FUT9: variants seen among roughly 807,000 people sequenced by gnomAD.
FUT9 encodes fucosyltransferase 9, also known as 4-galactosyl-N-acetylglucosaminide 3-alpha-L-fucosyltransferase 9.
FUT9 carries 15 observed loss-of-function variants against 29.7 expected under a neutral mutation model. The ratio of observed to expected loss-of-function variants is 0.51; its 90% CI spans 0.34 to 0.78. The LOEUF is 0.78. Ranked by LOEUF, FUT9 falls within the 30% of genes least tolerant of loss-of-function variation. The probability of loss-of-function intolerance (pLI) is 0.01; values close to 1 mark genes in which losing one functional copy is unlikely to be tolerated. For missense variants in FUT9, 319 were observed against 425.4 expected, an observed-to-expected ratio of 0.75 and a Z score of 2.20; for synonymous variants, 169 against 153.7, an observed-to-expected ratio of 1.10 and a Z score of -0.74.
intron 2 of FUT9, among the ~76,000 whole-genome samples, chr6:96,191,693 T>C (rs576846380): frequency 1.3e-5 from 2 of 152,196 alleles, no homozygotes; most frequent in South Asian, 4.1e-4. Flanking sequence ...ACTATTCCAA[T>C]CAATAGAAAA....
chr6:96,203,034 T>A, intron 2 of FUT9, 114 bp from the exon 3 acceptor site: 1 of 762,330 alleles, frequency 1.3e-6, no homozygotes, highest in Non-Finnish European at 2.0e-6. Flanking sequence ...GAAAATGCAG[T>A]TGATTACTAC....
intron 1 of FUT9, among the ~76,000 whole-genome samples, chr6:96,107,069 A>G (rs1328913865): frequency 6.6e-6 from 1 of 152,202 alleles, no homozygotes; most frequent in Non-Finnish European, 1.5e-5. Flanking sequence ...TACAATGCCT[A>G]AAATGTTTAC....
At chr6:96,175,144 T>C (rs1459142062) in intron 2 of FUT9, among the ~76,000 whole-genome samples, 1 of 152,108 alleles carries the variant, frequency 6.6e-6, no homozygotes, top group South Asian at 2.1e-4. Flanking sequence ...ATCAAGTGTC[T>C]TTCAAGAACT....
intron 2 of FUT9, among the ~76,000 whole-genome samples, chr6:96,116,127 A>G (rs148489392): frequency 4.6e-5 from 7 of 152,322 alleles, no homozygotes; most frequent in East Asian, 1.9e-4. Context: ...TTTTCCTGGT[A>G]AAATATCTGA....
intron 2 of FUT9, among the ~76,000 whole-genome samples, chr6:96,176,718 T>C (rs1341931962): frequency 6.6e-6 from 1 of 152,194 alleles, no homozygotes. Context: ...CCATGCTTCC[T>C]GGCTCCTTGC....
intron 1 of FUT9, among the ~76,000 whole-genome samples, chr6:96,066,878 C>T (rs1770969642): frequency 8.6e-6 from 1 of 115,682 alleles, no homozygotes; most frequent in Non-Finnish European, 1.9e-5. Context: ...ATTCCTGGAT[C>T]TTGCACACTC....
rs926724380 is a variant in FUT9, at chr6:96,208,896, G to T, written c.*4661G>T. 1 of 46,302 alleles carries T rather than the reference G, an allele frequency of 2.2e-5. No individual in the cohort carries two copies. Among genetic ancestry groups the T allele is most frequent in the Non-Finnish European group, 1.6e-4 (1 of 6,154 alleles). 2.9% of individuals were successfully genotyped at this position (46,302 alleles called of 1,614,324 possible). A position where few individuals can be genotyped will look rare whatever the true frequency, so the allele number is the denominator to read the frequency against. ...ATTGTATTGCAATCAGTCAATTAAG[G>T]TGATTTTTTTTTTCTGGATGTCTCA... is the stretch of plus-strand genomic sequence containing the variant. On this transcript the variant is annotated 3_prime_UTR_variant, in exon 3 of 3. Transcript: ENST00000302103.
At chr6:96,188,469 T>C (rs1306284503) in intron 2 of FUT9, among the ~76,000 whole-genome samples, 2 of 152,056 alleles carry the variant, frequency 1.3e-5, no homozygotes, top group Non-Finnish European at 2.9e-5. Flanking sequence ...GTTGTCAACA[T>C]TTATTCTTAA....
rs571703888 is a variant in FUT9 at position 96,124,839 on chromosome 6, A to AT, written c.-9+10718dup. Among the ~76,000 whole-genome samples, 470 of 152,190 alleles carry AT rather than the reference A, an allele frequency of 3.1e-3. 1 individual carries two copies. Among genetic ancestry groups the AT allele is most frequent in the African/African-American group, 0.011 (441 of 41,520 alleles). On this transcript the variant is annotated intron_variant, in intron 2 of 2. Transcript: ENST00000302103. ...GCTAAACTTTCCAAAAAGATGTATA[A>AT]TTTTTTATTTTTGAAAAATGTGTTA... is the stretch of plus-strand genomic sequence containing the variant.
At chr6:96,100,680 G>A (rs774037431) in intron 1 of FUT9, among the ~76,000 whole-genome samples, 1 of 152,176 alleles carries the variant, frequency 6.6e-6, no homozygotes, top group Non-Finnish European at 1.5e-5. Flanking sequence ...AAGTGAAGAC[G>A]CAGGTTAGAA....
intron 1 of FUT9, among the ~76,000 whole-genome samples, chr6:96,067,766 C>T (rs534457352): frequency 2.1e-4 from 32 of 152,140 alleles, no homozygotes; most frequent in African/African-American, 7.2e-4. Context: ...GAACCAACTT[C>T]GTGTGGAGAC....
intron 1 of FUT9, among the ~76,000 whole-genome samples, chr6:96,098,654 T>G (rs1771540024): frequency 6.6e-6 from 1 of 152,160 alleles, no homozygotes; most frequent in African/African-American, 2.4e-5. Context: ...AATAGTTCAT[T>G]AAAAATTACT....
At chr6:96,140,139 A>G (rs1772435353) in intron 2 of FUT9, among the ~76,000 whole-genome samples, 1 of 152,178 alleles carries the variant, frequency 6.6e-6, no homozygotes, top group African/African-American at 2.4e-5. Context: ...TCTGTAGAGC[A>G]GGGGCAAAAT....
intron 1 of FUT9, among the ~76,000 whole-genome samples, chr6:96,023,487 C>T (rs1235205982): frequency 1.3e-5 from 2 of 151,828 alleles, no homozygotes; most frequent in Non-Finnish European, 2.9e-5. Flanking sequence ...TGGCAAATGG[C>T]AGAGGAATGT....
chr6:96,052,690 A>T (rs1161190621), intron 1 of FUT9, among the ~76,000 whole-genome samples: 1 of 152,172 alleles, frequency 6.6e-6, no homozygotes, highest in Admixed American at 6.5e-5. Flanking sequence ...CACTACAGAT[A>T]CTCAGATGTC....
At chr6:96,152,226 G>A (rs1378720932) in intron 2 of FUT9, among the ~76,000 whole-genome samples, 1 of 152,212 alleles carries the variant, frequency 6.6e-6, no homozygotes, top group Admixed American at 6.5e-5. Flanking sequence ...CCTATTACAC[G>A]CTGTATATGC....
intron 2 of FUT9, among the ~76,000 whole-genome samples, chr6:96,193,037 T>C (rs1773544718): frequency 6.6e-6 from 1 of 151,530 alleles, no homozygotes; most frequent in Admixed American, 6.6e-5. Flanking sequence ...CCTTACACTT[T>C]ATACAAAAAT....
chr6:96,158,047 A>G (rs956693603), intron 2 of FUT9, among the ~76,000 whole-genome samples: 1 of 152,218 alleles, frequency 6.6e-6, no homozygotes, highest in Non-Finnish European at 1.5e-5. Context: ...ATAATTAGAT[A>G]AGGCCTCAAC....
intron 2 of FUT9, among the ~76,000 whole-genome samples, chr6:96,134,301 A>G (rs907980438): frequency 6.6e-6 from 1 of 151,890 alleles, no homozygotes; most frequent in African/African-American, 2.4e-5. Context: ...ACATAATTTT[A>G]TAACTTCCTT....
Sources: gnomAD v4.1 joint callset for allele counts (sites outside exome capture counted in the v4.1 genomes callset) on GRCh38, gnomAD v4.1.1 for gene constraint, MANE v1.5 for transcripts, NCBI Gene and HGNC (gene_info 2026-07-23, HGNC 2026-07-21) for gene names.